Variants in RAB18 observed in about 807,000 individuals in gnomAD.
RAB18 encodes the protein RAB18, member RAS oncogene family.
Under a neutral mutation model 28.5 loss-of-function variants are expected in RAB18, and 10 were observed. The observed-to-expected ratio is 0.35, with a 90% CI of 0.22 to 0.60. The LOEUF (loss-of-function observed/expected upper bound fraction) is 0.60, where lower values mean the gene tolerates loss of function less well. RAB18 is among the 20% of genes least tolerant of loss of function. The pLI, the probability that RAB18 is intolerant of heterozygous loss-of-function variation, is 0.78. For missense variants in RAB18, 188 were observed against 244.2 expected (o/e 0.77, Z 1.53); for synonymous variants, 93 against 86.9 (o/e 1.07, Z -0.39).
Position 27,540,086 on chromosome 10 carries a change from A to G in RAB18, c.*2035A>G, listed in dbSNP as rs1008040962. 8.8e-6 allele frequency: 4 copies of G among 453,910 alleles called. No individual in the cohort carries two copies. Among genetic ancestry groups the G allele is most frequent in the African/African-American group, 8.0e-5 (4 of 49,982 alleles). The allele number at this position is 453,910 out of a possible 1,614,324, so 28.1% of individuals were successfully genotyped here. A position where few individuals can be genotyped will look rare whatever the true frequency, so the allele number is the denominator to read the frequency against. On this transcript the variant is annotated 3_prime_UTR_variant, in exon 7 of 7. Coordinates refer to ENST00000356940, the MANE Select transcript of RAB18 (RefSeq NM_021252.5). ...TTTGCAGATGGTACAAATTAGAACA[A>G]TTAGAATATAGTATTTTGAGTTCTA...
Position 27,504,458 on chromosome 10 carries a change from G to C in RAB18, c.68+21G>C, listed in dbSNP as rs538699183. 1.9e-6 allele frequency: 3 copies of C among 1,556,548 alleles called. No individual in the cohort carries two copies. In the African/African-American group the frequency reaches 4.1e-5, roughly 21 times the overall value. On this transcript the variant is annotated intron_variant, in intron 1 of 6. Coordinates refer to ENST00000356940, the MANE Select transcript of RAB18 (RefSeq NM_021252.5). ...TCCAGGTGAGGCGGAGGTGCGGGTC[G>C]TGACGAGGGTGGCTGGGCTCTTTCT...
intron 3 of RAB18, chr10:27,531,702 C>G (rs2132405568): frequency 2.9e-6 from 2 of 685,060 alleles, no homozygotes; most frequent in Non-Finnish European, 5.4e-6. Context: ...ATCTTAGGTA[C>G]CTTGAATCCA....
At chr10:27,511,327 C>G (rs1199941248) in intron 2 of RAB18, among the ~76,000 whole-genome samples, 2 of 152,122 alleles carry the variant, frequency 1.3e-5, no homozygotes, top group African/African-American at 2.4e-5. Flanking sequence ...CTCAGCCACC[C>G]AAGTAGCTGG....
At chr10:27,505,038 C>T (rs1394446484) in intron 1 of RAB18, 1 of 533,516 alleles carries the variant, frequency 1.9e-6, no homozygotes, top group East Asian at 5.4e-5. Context: ...GTGTAAGGTC[C>T]GAGTGCTTCA....
At position 27,540,585 on chromosome 10, in the gene RAB18, G is replaced by A. The variant is rs750242748; in HGVS notation, c.*2534G>A. The stretch of plus-strand genomic sequence containing the variant: ...CATGTGACATAAAAGTTAAGGTAGT[G>A]GAGTAGGTGGTCTTATTTCTTTCAC... On this transcript the variant is annotated 3_prime_UTR_variant, in exon 7 of 7. Coordinates refer to ENST00000356940, the MANE Select transcript of RAB18 (RefSeq NM_021252.5). The A allele has an allele frequency of 2.0e-5, 9 of 453,980 alleles. No individual in the cohort carries two copies. Among genetic ancestry groups the A allele is most frequent in the Non-Finnish European group, 2.6e-5 (6 of 226,784 alleles). The allele number at this position is 453,980 out of a possible 1,614,324, so 28.1% of individuals were successfully genotyped here.
At position 27,537,909 on chromosome 10, in the gene RAB18, G is replaced by A. The variant is rs750873430; in HGVS notation, c.479G>A (p.Cys160Tyr). The A allele has an allele frequency of 6.2e-7, 1 of 1,614,098 alleles. No homozygotes were observed. Among genetic ancestry groups the A allele is most frequent in the Non-Finnish European group, 8.5e-7 (1 of 1,180,004 alleles). The change falls in exon 7 of 7, where the codon TGT becomes TAT. Residue 160 changes from cysteine (C) to tyrosine (Y), a missense_variant. Coordinates refer to ENST00000356940, the MANE Select transcript of RAB18 (RefSeq NM_021252.5). The stretch of plus-strand genomic sequence containing the variant: ...GCAAAAACCTGTGATGGTGTACAAT[G>A]TGCCTTTGAAGAACTTGTTGAAAAG... ...ASAKTCDGVQCAFEELVEKII... is the reference protein window; with the variant it reads ...ASAKTCDGVQYAFEELVEKII...
rs1347223569 is a variant in RAB18, at chr10:27,533,777, A to G, written c.302A>G (p.Asn101Ser). Residue 101 changes from asparagine (N) to serine (S), a missense_variant, in exon 5 of 7, where the codon AAT (asparagine) becomes AGT (serine). Physicochemically the swap from Asn to Ser is conservative, Grantham distance 46. Transcript: ENST00000356940. ...AGAGATACATTTGTTAAACTGGATA[A>G]TTGGTTAAATGAATTGGAAACATAC... The part of the protein sequence containing the change: ...TRRDTFVKLD[N>S]WLNELETYCT... 2.5e-6 allele frequency: 4 copies of G among 1,613,740 alleles called. No homozygotes were observed. The highest frequency in any genetic ancestry group is 3.3e-5 in the Admixed American group (2 of 60,018).
In RAB18 at chr10:27,504,363, G is replaced by A; in HGVS notation, c.-7G>A. The A allele has an allele frequency of 1.3e-6, 2 of 1,572,904 alleles. No homozygotes were observed. The highest frequency in any genetic ancestry group is 1.7e-6 in the Non-Finnish European group (2 of 1,159,706). ...GCCAGCTGGGCTCGGAGCGGAACGG[G>A]GTCAGGATGGACGAGGACGTGCTAA... On this transcript the variant is annotated 5_prime_UTR_variant, in exon 1 of 7. Coordinates refer to ENST00000356940, the MANE Select transcript of RAB18 (RefSeq NM_021252.5).
Position 27,541,301 on chromosome 10 carries a change from C to A in RAB18, c.*3250C>A, listed in dbSNP as rs1264909966. ...GAATAAATAGACATAGACAGGCTAGCTAAGTCAAGACTAGGGGCTAAGGAA... is the reference window on the plus strand; with the variant it reads ...GAATAAATAGACATAGACAGGCTAGATAAGTCAAGACTAGGGGCTAAGGAA... On this transcript the variant is annotated 3_prime_UTR_variant, in exon 7 of 7. Transcript: ENST00000356940. 1 of 453,108 alleles carries A rather than the reference C, an allele frequency of 2.2e-6. No homozygotes were observed. The highest frequency in any genetic ancestry group is 4.4e-6 in the Non-Finnish European group (1 of 226,674). The allele number at this position is 453,108 out of a possible 1,614,324, so 28.1% of individuals were successfully genotyped here.
chr10:27,518,153 G>A (rs543967905), intron 2 of RAB18, among the ~76,000 whole-genome samples: 184 of 152,168 alleles, frequency 1.2e-3, no homozygotes, highest in African/African-American at 4.1e-3. Context: ...AGACATTTTT[G>A]TTGTTTCCAG....
intron 2 of RAB18, among the ~76,000 whole-genome samples, chr10:27,513,614 A>G (rs1326455821): frequency 6.6e-6 from 1 of 152,122 alleles, no homozygotes; most frequent in Non-Finnish European, 1.5e-5. Context: ...TGACACACAA[A>G]CCCAGCATTC....
In RAB18 at chr10:27,512,602, A is replaced by G. The variant is rs12245719; in HGVS notation, c.124+2672A>G. Among the ~76,000 whole-genome samples the G allele has an allele frequency of 5.9e-3, 901 of 152,232 alleles. 4 individuals are homozygous for G. The highest frequency in any genetic ancestry group is 0.02 in the African/African-American group (821 of 41,536). On this transcript the variant is annotated intron_variant, in intron 2 of 6. Transcript: ENST00000356940. ...ATTATAGGTGTGAGCCACTGTGCCC[A>G]TACTGGTGTATTATTTACTCCTATA...
intron 1 of RAB18, chr10:27,504,967 C>G: frequency 3.8e-6 from 2 of 527,632 alleles, no homozygotes. Flanking sequence ...GATTCTTTTA[C>G]TTTTTTATTA....
rs11015862 is a variant in RAB18, at chr10:27,541,635, C to G, written c.*3584C>G. The G allele has an allele frequency of 3.0e-6, 1 of 334,958 alleles. No homozygotes were observed. The highest frequency in any genetic ancestry group is 2.4e-5 in the South Asian group (1 of 42,512). The allele number at this position is 334,958 out of a possible 1,614,324, so 20.7% of individuals were successfully genotyped here. A position where few individuals can be genotyped will look rare whatever the true frequency, so the allele number is the denominator to read the frequency against. On this transcript the variant is annotated 3_prime_UTR_variant, in exon 7 of 7. Coordinates refer to ENST00000356940, the MANE Select transcript of RAB18 (RefSeq NM_021252.5). ...CGTTTCTCATGCAGGTTATTTCTTG[C>G]TTTTTTTTTTTTTCCTCTTTTTTAA...
At chr10:27,510,082 A>G in intron 2 of RAB18, 152 bp downstream of exon 2, 1 of 681,748 alleles carries the variant, frequency 1.5e-6, no homozygotes, top group East Asian at 2.7e-5. Context: ...TTTTGGTATC[A>G]TTAAATCTTT....
chr10:27,527,785 G>A (rs1223065575), intron 3 of RAB18, among the ~76,000 whole-genome samples: 1 of 152,014 alleles, frequency 6.6e-6, no homozygotes, highest in African/African-American at 2.4e-5. Flanking sequence ...AAGTGTTCAT[G>A]CATTGTATGA....
intron 1 of RAB18, among the ~76,000 whole-genome samples, chr10:27,509,365 TG>T (rs1384558124): frequency 6.6e-6 from 1 of 152,214 alleles, no homozygotes; most frequent in African/African-American, 2.4e-5. Flanking sequence ...CTCTTTTTAC[TG>T]TATCTTCTCT....
intron 2 of RAB18, among the ~76,000 whole-genome samples, chr10:27,519,240 A>G (rs1323094178): frequency 1.3e-5 from 2 of 152,144 alleles, no homozygotes; most frequent in East Asian, 3.8e-4. Context: ...CATTTGAAAA[A>G]AATCCATCAT....
rs760143004 is a variant in RAB18, at chr10:27,533,719, A to C, written c.260-16A>C. 9.8e-5 allele frequency: 158 copies of C among 1,610,878 alleles called. No homozygotes were observed. Among genetic ancestry groups the C allele is most frequent in the Non-Finnish European group, 1.3e-4 (149 of 1,178,960 alleles). ...TTCTTTAATGCTTATTTAACAAATG[A>C]CTCCTTTTATTTCAGTTTATGATGT... On this transcript the variant is annotated splice_polypyrimidine_tract_variant and intron_variant, in intron 4 of 6. Transcript: ENST00000356940.
Sources: allele counts gnomAD v4.1 joint callset (sites outside exome capture counted in the v4.1 genomes callset), GRCh38; gene constraint gnomAD v4.1.1; transcripts MANE v1.5; gene names NCBI Gene and HGNC (gene_info 2026-07-23, HGNC 2026-07-21).